SPIDR: variants seen among roughly 807,000 people sequenced by gnomAD.
SPIDR encodes scaffold protein involved in DNA repair.
SPIDR carries 93 observed loss-of-function variants against 104.6 expected under a neutral mutation model. The ratio of observed to expected loss-of-function variants is 0.89; its 90% CI spans 0.75 to 1.06. SPIDR has a LOEUF of 1.06. SPIDR is among the 50% of genes least tolerant of loss of function. The pLI, the probability that SPIDR is intolerant of heterozygous loss-of-function variation, is 0.00. For missense variants in SPIDR, 1,154 were observed against 1,111.2 expected (o/e 1.04, Z -0.55); for synonymous variants, 431 against 416.9 (o/e 1.03, Z -0.41).
chr8:47,656,674 G>T (rs2072878940), intron 10 of SPIDR, among the ~76,000 whole-genome samples: 1 of 152,126 alleles, frequency 6.6e-6, no homozygotes, highest in Admixed American at 6.6e-5. Flanking sequence ...ATACTCTTGA[G>T]AATTGAAAAC....
At chr8:47,597,360 T>C (rs1343454994) in intron 9 of SPIDR, among the ~76,000 whole-genome samples, 1 of 152,178 alleles carries the variant, frequency 6.6e-6, no homozygotes, top group Admixed American at 6.5e-5. Context: ...ATGCTATCCC[T>C]ACCCCTTTCC....
intron 8 of SPIDR, among the ~76,000 whole-genome samples, chr8:47,505,555 A>G (rs1201422495): frequency 6.6e-6 from 1 of 152,180 alleles, no homozygotes; most frequent in Non-Finnish European, 1.5e-5. Context: ...TTGACTAGGA[A>G]AGGGAATTCC....
chr8:47,490,397 G>A lies in SPIDR; in HGVS notation c.1097+49855G>A, dbSNP rs186959237. Among the ~76,000 whole-genome samples the A allele has an allele frequency of 5.1e-4, 78 of 152,348 alleles. No homozygotes were observed. The South Asian group carries it at 0.01, about 20-fold the overall frequency. ...AAACAGGAACACTTTTACAGTGTTG[G>A]TGGGACTAAACTGGTTCAACCATTG... On this transcript the variant is annotated intron_variant, in intron 8 of 19. Coordinates refer to ENST00000297423, the MANE Select transcript of SPIDR (RefSeq NM_001080394.4).
chr8:47,589,757 A>G (rs973445969), intron 8 of SPIDR, among the ~76,000 whole-genome samples: 1 of 152,002 alleles, frequency 6.6e-6, no homozygotes, highest in Admixed American at 6.6e-5. Context: ...GATATTGGTA[A>G]TTTGTATCTT....
rs1375266984 is a variant in SPIDR, at chr8:47,713,642, G to C, written c.2341+1G>C. On this transcript the variant is annotated splice_donor_variant, in intron 16 of 19. Coordinates refer to ENST00000297423, the MANE Select transcript of SPIDR (RefSeq NM_001080394.4). LOFTEE classifies it high-confidence loss of function. ...GTCAACTCCATCTGCAGTGTTCAAG[G>C]TAGGCAGCCATCTCACAGGAATTGG... 1.9e-6 allele frequency: 3 copies of C among 1,613,930 alleles called. No homozygotes were observed. In the South Asian group the frequency reaches 3.3e-5, roughly 18 times the overall value.
chr8:47,561,105 A>T (rs73567511), intron 8 of SPIDR, among the ~76,000 whole-genome samples: 2,764 of 152,288 alleles, frequency 0.018, 86 homozygotes, highest in African/African-American at 0.064. Context: ...AGTGCCTGGC[A>T]CAATGCCTGC....
intron 8 of SPIDR, among the ~76,000 whole-genome samples, chr8:47,465,202 G>A (rs1191777714): frequency 1.3e-5 from 2 of 152,140 alleles, no homozygotes; most frequent in East Asian, 1.9e-4. Flanking sequence ...CCTGACTTAC[G>A]CAAGCTTCTG....
intron 8 of SPIDR, chr8:47,547,446 G>C: frequency 4.3e-6 from 1 of 232,736 alleles, no homozygotes; most frequent in Non-Finnish European, 8.5e-6. Context: ...ATTTATTTTT[G>C]AGATGGAGTC....
intron 8 of SPIDR, among the ~76,000 whole-genome samples, chr8:47,470,617 A>G (rs189698233): frequency 6.6e-6 from 1 of 152,338 alleles, no homozygotes; most frequent in African/African-American, 2.4e-5. Context: ...TGATCATTCA[A>G]TATGAAGAAC....
chr8:47,397,032 C>T lies in SPIDR; in HGVS notation c.776+406C>T, dbSNP rs143439518. ...GAGAGAGCAGAACCCACAGATGAGA[C>T]GTATCTGGTGTGCCATGAACTACAG... is the stretch of plus-strand genomic sequence containing the variant. On this transcript the variant is annotated intron_variant, in intron 6 of 19. Coordinates refer to ENST00000297423, the MANE Select transcript of SPIDR (RefSeq NM_001080394.4). Among the ~76,000 whole-genome samples, 368 of 152,158 alleles carry T rather than the reference C, an allele frequency of 2.4e-3. 2 individuals are homozygous for T. The highest frequency in any genetic ancestry group is 8.5e-3 in the African/African-American group (353 of 41,500).
At chr8:47,552,681 C>A (rs775149291) in intron 8 of SPIDR, among the ~76,000 whole-genome samples, 42 of 152,086 alleles carry the variant, frequency 2.8e-4, no homozygotes, top group Admixed American at 1.5e-3. Flanking sequence ...GTCTCCTGAA[C>A]ACAGCACACT....
At chr8:47,361,811 C>T (rs1554630250) in intron 5 of SPIDR, among the ~76,000 whole-genome samples, 1 of 152,192 alleles carries the variant, frequency 6.6e-6, no homozygotes, top group African/African-American at 2.4e-5. Context: ...GAGCACCAGC[C>T]TGAGGCCAGG....
chr8:47,524,537 C>T (rs535253186), intron 8 of SPIDR, among the ~76,000 whole-genome samples: 14 of 152,258 alleles, frequency 9.2e-5, no homozygotes, highest in African/African-American at 3.1e-4. Flanking sequence ...TCAGCATTTG[C>T]GTGTGTCCCT....
intron 9 of SPIDR, among the ~76,000 whole-genome samples, chr8:47,598,005 G>A (rs750394863): frequency 6.6e-5 from 10 of 151,968 alleles, no homozygotes; most frequent in Non-Finnish European, 1.3e-4. Flanking sequence ...AGCCAGTCAA[G>A]CAAAATCTCT....
intron 8 of SPIDR, among the ~76,000 whole-genome samples, chr8:47,540,503 G>A (rs779501525): frequency 6.6e-5 from 10 of 152,052 alleles, no homozygotes; most frequent in Admixed American, 2.0e-4. Context: ...CCCTCTTTTA[G>A]GCAGTCCCTA....
chr8:47,493,949 A>G (rs975601761), intron 8 of SPIDR, among the ~76,000 whole-genome samples: 2 of 152,188 alleles, frequency 1.3e-5, no homozygotes, highest in African/African-American at 2.4e-5. Flanking sequence ...TTCAAAAAGC[A>G]TAAGGGGGAG....
chr8:47,556,701 G>A (rs1368646740), intron 8 of SPIDR, among the ~76,000 whole-genome samples: 1 of 152,144 alleles, frequency 6.6e-6, no homozygotes, highest in African/African-American at 2.4e-5. Flanking sequence ...CTGGGCTGAT[G>A]TGATCCTTCC....
intron 11 of SPIDR, among the ~76,000 whole-genome samples, chr8:47,689,081 G>A (rs2078248444): frequency 6.6e-6 from 1 of 152,176 alleles, no homozygotes; most frequent in Non-Finnish European, 1.5e-5. Flanking sequence ...CATTGGTTGT[G>A]TATAATTTAT....
chr8:47,550,600 AT>A (rs1243974632), intron 8 of SPIDR, among the ~76,000 whole-genome samples: 1 of 152,072 alleles, frequency 6.6e-6, no homozygotes, highest in Non-Finnish European at 1.5e-5. Context: ...AATGCTTGTG[AT>A]TTTTGCACAT....
Sources: allele counts gnomAD v4.1 joint callset (sites outside exome capture counted in the v4.1 genomes callset), GRCh38; gene constraint gnomAD v4.1.1; transcripts MANE v1.5; gene names NCBI Gene and HGNC (gene_info 2026-07-23, HGNC 2026-07-21).